The following TRIM5 variants were observed in gnomAD, a reference collection of about 807,000 sequenced individuals.
TRIM5 encodes tripartite motif-containing protein 5.
TRIM5 carries 31 observed loss-of-function variants against 35.6 expected under a neutral mutation model. The ratio of observed to expected loss-of-function variants is 0.87; its 90% CI spans 0.65 to 1.18. The LOEUF (loss-of-function observed/expected upper bound fraction) is 1.18, where lower values mean the gene tolerates loss of function less well. Ranked by LOEUF, TRIM5 falls within the 50% of genes most tolerant of loss-of-function variation. The pLI is 0.00. For missense variants in TRIM5, 609 were observed against 591.6 expected (o/e 1.03, Z -0.31); for synonymous variants, 243 against 215.6 (o/e 1.13, Z -1.11).
At chr11:5,599,344 T>G in the TRIM5 span, among the ~76,000 whole-genome samples, 1 of 152,202 alleles carries the variant, frequency 6.6e-6, no homozygotes, top group Admixed American at 6.5e-5. Flanking sequence ...TGAATTGGAA[T>G]TGGACTTTCA....
the TRIM5 span, among the ~76,000 whole-genome samples, chr11:5,628,999 G>A: frequency 6.6e-6 from 1 of 152,104 alleles, no homozygotes; most frequent in Admixed American, 6.5e-5. Flanking sequence ...GGTCAAGGCC[G>A]GGTGCAGTGG....
At chr11:5,623,822 A>G in the TRIM5 span, among the ~76,000 whole-genome samples, 1 of 152,318 alleles carries the variant, frequency 6.6e-6, no homozygotes, top group East Asian at 1.9e-4. Context: ...ACTTCCAACA[A>G]GTTTATAATT....
chr11:5,628,542 A>T, the TRIM5 span, among the ~76,000 whole-genome samples: 80 of 152,166 alleles, frequency 5.3e-4, no homozygotes, highest in African/African-American at 1.7e-3. Flanking sequence ...CTTTTGATGG[A>T]TGGTTAGAGG....
chr11:5,646,904 G>C, the TRIM5 span, among the ~76,000 whole-genome samples: 1 of 152,074 alleles, frequency 6.6e-6, no homozygotes, highest in South Asian at 2.1e-4. Flanking sequence ...CTACCTTCTT[G>C]AGCTCATAGG....
the TRIM5 span, chr11:5,610,676 A>G: frequency 6.4e-7 from 1 of 1,569,314 alleles, no homozygotes; most frequent in African/African-American, 1.4e-5. Context: ...TCCCCGCCAT[A>G]TAGTTCCAGT....
chr11:5,590,114 G>A, the TRIM5 span: 1 of 155,848 alleles, frequency 6.4e-6, no homozygotes, highest in Non-Finnish European at 1.4e-5. Context: ...CTGCCTTCCT[G>A]CGGGGCAGGC....
the TRIM5 span, among the ~76,000 whole-genome samples, chr11:5,622,268 A>T: frequency 2.6e-5 from 4 of 152,074 alleles, no homozygotes; most frequent in African/African-American, 9.6e-5. Flanking sequence ...ACATGGTGAA[A>T]CCCTGCCTCT....
chr11:5,673,858 C>T (rs1179808795), intron 4 of TRIM5, among the ~76,000 whole-genome samples: 2 of 151,784 alleles, frequency 1.3e-5, no homozygotes, highest in Non-Finnish European at 2.9e-5. Context: ...TTAGAAAATA[C>T]ATTGAGCCAA....
chr11:5,651,635 T>G, the TRIM5 span, among the ~76,000 whole-genome samples: 1 of 152,192 alleles, frequency 6.6e-6, no homozygotes, highest in African/African-American at 2.4e-5. Context: ...GTAGAATGAT[T>G]TATATTCCTT....
At chr11:5,600,940 A>C in the TRIM5 span, among the ~76,000 whole-genome samples, 3 of 152,198 alleles carry the variant, frequency 2.0e-5, no homozygotes, top group Non-Finnish European at 4.4e-5. Context: ...AACAGTTTTA[A>C]AAATTTTCTA....
At chr11:5,614,126 C>T in the TRIM5 span, among the ~76,000 whole-genome samples, 1 of 152,152 alleles carries the variant, frequency 6.6e-6, no homozygotes, top group Non-Finnish European at 1.5e-5. Flanking sequence ...CTGTTCTTGA[C>T]ATGTGATAGA....
chr11:5,632,701 G>C, the TRIM5 span: 1 of 1,612,426 alleles, frequency 6.2e-7, no homozygotes, highest in Non-Finnish European at 8.5e-7. Flanking sequence ...GCGGTCTCAG[G>C]AGCACCGTGG....
chr11:5,657,806 G>C, the TRIM5 span, among the ~76,000 whole-genome samples: 6 of 149,272 alleles, frequency 4.0e-5, no homozygotes, highest in African/African-American at 1.5e-4. Flanking sequence ...AGTAGAGACA[G>C]AGTTTCACCA....
At chr11:5,589,777 G>A in the TRIM5 span, 14 of 159,276 alleles carry the variant, frequency 8.8e-5, no homozygotes, top group Non-Finnish European at 1.2e-4. Context: ...CCACTTTGGC[G>A]GCACTTGAGG....
At chr11:5,667,739 A>G (rs1851254463) in intron 4 of TRIM5, 28 bp from the exon 5 acceptor site, 1 of 1,611,914 alleles carries the variant, frequency 6.2e-7, no homozygotes, top group South Asian at 1.1e-5. Context: ...AACATCAATT[A>G]AGAAAGAAAG....
chr11:5,633,849 G>C, the TRIM5 span: 1 of 1,614,118 alleles, frequency 6.2e-7, no homozygotes, highest in Non-Finnish European at 8.5e-7. Flanking sequence ...GGAAGAGGAG[G>C]AAGCTGAGAA....
At chr11:5,607,832 A>G in the TRIM5 span, among the ~76,000 whole-genome samples, 1 of 152,218 alleles carries the variant, frequency 6.6e-6, no homozygotes, top group Non-Finnish European at 1.5e-5. Flanking sequence ...GCTGGTGTAT[A>G]TATTAATCAA....
downstream of TRIM5, among the ~76,000 whole-genome samples, chr11:5,661,369 G>T (rs1850820496): frequency 6.6e-6 from 1 of 151,972 alleles, no homozygotes; most frequent in African/African-American, 2.4e-5. Flanking sequence ...CTTCATCAGG[G>T]CACCTTCTCT....
chr11:5,644,315 G>A, the TRIM5 span: 2 of 398,452 alleles, frequency 5.0e-6, no homozygotes, highest in African/African-American at 4.1e-5. Context: ...TAAGATCACT[G>A]TGTAAAACTA....
Sources: allele counts gnomAD v4.1 joint callset (sites outside exome capture counted in the v4.1 genomes callset), GRCh38; gene constraint gnomAD v4.1.1; transcripts MANE v1.5; gene names NCBI Gene and HGNC (gene_info 2026-07-23, HGNC 2026-07-21).